The following NCALD variants were observed in gnomAD, a reference collection of about 807,000 sequenced individuals.
NCALD encodes the protein neurocalcin delta.
A neutral mutation model predicts 18.6 loss-of-function variants in NCALD; 10 were observed. The observed-to-expected ratio is 0.54, with a 90% CI of 0.33 to 0.91. NCALD has a LOEUF of 0.91. Among genes scored for constraint, NCALD ranks in the 40% least tolerant of loss-of-function variants. The pLI, the probability that NCALD is intolerant of heterozygous loss-of-function variation, is 0.03. For missense variants in NCALD, 184 were observed against 247.6 expected, an observed-to-expected ratio of 0.74 and a Z score of 1.72; for synonymous variants, 88 against 87.4, an observed-to-expected ratio of 1.01 and a Z score of -0.04.
chr8:101,754,918 G>A (rs1266277668), intron 1 of NCALD, among the ~76,000 whole-genome samples: 1 of 152,198 alleles, frequency 6.6e-6, no homozygotes, highest in Non-Finnish European at 1.5e-5. Flanking sequence ...ATAAATGGAT[G>A]TTCCAAGAGA....
chr8:101,986,525 A>G (rs1017421607), intron 2 of NCALD: 2 of 151,848 alleles, frequency 1.3e-5, no homozygotes, highest in African/African-American at 4.9e-5. Flanking sequence ...TAAAAAGGAG[A>G]AAATCCCTGC....
intron 2 of NCALD, among the ~76,000 whole-genome samples, chr8:101,697,265 T>A (rs1815041845): frequency 6.6e-6 from 1 of 152,156 alleles, no homozygotes; most frequent in South Asian, 2.1e-4. Context: ...AATCCCTGAA[T>A]AGACCAATAA....
intron 1 of NCALD, among the ~76,000 whole-genome samples, chr8:101,773,262 G>A (rs1256126948): frequency 6.6e-6 from 1 of 152,112 alleles, no homozygotes; most frequent in East Asian, 1.9e-4. Context: ...AGGCAGCCTA[G>A]GGTTCTCAGC....
chr8:102,020,039 T>C (rs1006076711), intron 2 of NCALD, among the ~76,000 whole-genome samples: 4 of 152,204 alleles, frequency 2.6e-5, no homozygotes, highest in African/African-American at 9.6e-5. Context: ...ATTATTTTAC[T>C]ATCATAATGT....
At chr8:102,082,244 T>TTTTG (rs1824570964) in intron 1 of NCALD, among the ~76,000 whole-genome samples, 2 of 141,204 alleles carry the variant, frequency 1.4e-5, no homozygotes, top group Non-Finnish European at 3.0e-5. Context: ...TTTTTTTTTT[T>TTTTG]TTTTTTGAGA....
intron 1 of NCALD, among the ~76,000 whole-genome samples, chr8:102,117,982 T>C (rs570901259): frequency 6.6e-6 from 1 of 152,346 alleles, no homozygotes; most frequent in East Asian, 1.9e-4. Context: ...TAGCTCCCAA[T>C]GTTGGTAAAT....
chr8:101,941,316 C>G (rs1274514270), intron 2 of NCALD, among the ~76,000 whole-genome samples: 1 of 152,170 alleles, frequency 6.6e-6, no homozygotes, highest in Admixed American at 6.5e-5. Context: ...CTAGATCCCT[C>G]GCATGCAAGT....
Position 101,930,272 on chromosome 8 carries a change from A to G in NCALD, c.-156-14414T>C, listed in dbSNP as rs111513331. 2.5e-3 allele frequency among the ~76,000 whole-genome samples: 373 copies of G among 152,158 alleles called. 4 individuals are homozygous for G. Among genetic ancestry groups the G allele is most frequent in the African/African-American group, 8.2e-3 (339 of 41,536 alleles). ...AAATTACATAAATATATCTCATTAA[A>G]CCCAAACAAAATGTATCCCCAATTC... On this transcript the variant is annotated intron_variant, in intron 2 of 6. Transcript: ENST00000311028.
intron 4 of NCALD, among the ~76,000 whole-genome samples, chr8:101,875,111 A>C (rs1008340888): frequency 2.2e-4 from 33 of 152,346 alleles, no homozygotes; most frequent in Admixed American, 1.7e-3. Context: ...CAGTCTGACC[A>C]ACTTGATCTC....
chr8:102,047,714 C>T (rs925005688), intron 1 of NCALD, among the ~76,000 whole-genome samples: 1 of 152,284 alleles, frequency 6.6e-6, no homozygotes, highest in East Asian at 1.9e-4. Context: ...CTTTTTTATA[C>T]ACTTTATGTA....
intron 2 of NCALD, among the ~76,000 whole-genome samples, chr8:101,952,201 G>T (rs1434576811): frequency 1.3e-5 from 2 of 152,156 alleles, no homozygotes. Context: ...AACTGAGAGT[G>T]CTGGGTCTTG....
chr8:101,838,054 C>T (rs1814486414), intron 4 of NCALD, among the ~76,000 whole-genome samples: 2 of 152,072 alleles, frequency 1.3e-5, no homozygotes, highest in South Asian at 4.1e-4. Flanking sequence ...AGAGAAAAGA[C>T]AGACAAAATC....
At chr8:102,096,110 A>C (rs769416362) in intron 1 of NCALD, among the ~76,000 whole-genome samples, 6 of 152,356 alleles carry the variant, frequency 3.9e-5, no homozygotes, top group South Asian at 2.1e-4. Context: ...AAGATCCAAA[A>C]GGTAAGTTCA....
Position 101,758,649 on chromosome 8 carries a change from C to G in NCALD, c.-20+32213G>C, listed in dbSNP as rs894256129. Among the ~76,000 whole-genome samples the G allele has an allele frequency of 1.3e-5, 2 of 152,148 alleles. 1 individual carries two copies. The highest frequency in any genetic ancestry group is 2.9e-5 in the Non-Finnish European group (2 of 68,024). On this transcript the variant is annotated intron_variant, in intron 1 of 3. Transcript: ENST00000220931. ...TCTTCTGTCCCCATGTGTCCTGACT[C>G]TAGGCATGCACCTCTCATACCTCTC...
chr8:101,791,337 C>A (rs1442061947), upstream of NCALD, among the ~76,000 whole-genome samples: 2 of 152,192 alleles, frequency 1.3e-5, no homozygotes, highest in African/African-American at 4.8e-5. Context: ...GCATGTCTCT[C>A]TCTCTCTCTT....
intron 1 of NCALD, among the ~76,000 whole-genome samples, chr8:102,023,405 T>C (rs76279531): frequency 8.9e-4 from 136 of 152,370 alleles, no homozygotes; most frequent in Middle Eastern, 3.4e-3. Context: ...GAAAAACATC[T>C]CTTTTTTTCT....
intron 2 of NCALD, among the ~76,000 whole-genome samples, chr8:101,952,955 C>T (rs1483555331): frequency 6.6e-6 from 1 of 151,844 alleles, no homozygotes; most frequent in East Asian, 1.9e-4. Context: ...CTTTCTGTTT[C>T]CCAGTGTTTC....
chr8:102,035,492 C>A (rs1019322894), intron 1 of NCALD, among the ~76,000 whole-genome samples: 3 of 152,068 alleles, frequency 2.0e-5, no homozygotes, highest in Non-Finnish European at 4.4e-5. Context: ...TGTTGAGATC[C>A]AACACTCAGC....
rs1563656420 is a variant in NCALD at position 101,691,796 on chromosome 8, G to T, written c.484+995C>A. On this transcript the variant is annotated intron_variant, in intron 3 of 3. Coordinates refer to ENST00000220931, the MANE Select transcript of NCALD (RefSeq NM_032041.3). Reference sequence around the variant, plus strand: ...AAAGGAGACAGAGGCTCTCTGTACTGCGAAGCCGCCTTCTGCTGTTCTATA... The same window carrying T: ...AAAGGAGACAGAGGCTCTCTGTACTTCGAAGCCGCCTTCTGCTGTTCTATA... 17 of 985,352 alleles carry T rather than the reference G, an allele frequency of 1.7e-5. No individual in the cohort carries two copies. In the South Asian group the frequency reaches 7.5e-4, roughly 44 times the overall value. 61.0% of individuals were successfully genotyped at this position (985,352 alleles called of 1,614,324 possible).
Sources: allele counts gnomAD v4.1 joint callset (sites outside exome capture counted in the v4.1 genomes callset), GRCh38; gene constraint gnomAD v4.1.1; transcripts MANE v1.5; gene names NCBI Gene and HGNC (gene_info 2026-07-23, HGNC 2026-07-21).